The following APPL2 variants were observed in gnomAD, a reference collection of about 807,000 sequenced individuals.
APPL2 encodes DCC-interacting protein 13-beta.
A neutral mutation model predicts 92.7 loss-of-function variants in APPL2; 84 were observed. That is an observed-to-expected ratio of 0.91 (90% CI 0.76 to 1.09). The LOEUF (loss-of-function observed/expected upper bound fraction) is 1.09, where lower values mean the gene tolerates loss of function less well. APPL2 is among the 50% of genes least tolerant of loss of function. The pLI, the probability that APPL2 is intolerant of heterozygous loss-of-function variation, is 0.00. For missense variants in APPL2, 736 were observed against 824.5 expected, an observed-to-expected ratio of 0.89 and a Z score of 1.31; for synonymous variants, 291 against 291.0, an observed-to-expected ratio of 1.00 and a Z score of 0.00.
intron 17 of APPL2, among the ~76,000 whole-genome samples, chr12:105,177,648 C>G (rs1345797120): frequency 6.6e-6 from 1 of 152,108 alleles, no homozygotes; most frequent in Admixed American, 6.5e-5. Context: ...GCAAGATCAA[C>G]TTAGTCTAAA....
chr12:105,193,453 G>A lies in APPL2; in HGVS notation c.1241+1808C>T, dbSNP rs7309817. On this transcript the variant is annotated intron_variant, in intron 14 of 20. Transcript: ENST00000258530. ...GTGTATAACACAAGGCAGAGATATC[G>A]TTAGAACCCATGTCTCTCAACTGCA... Among the ~76,000 whole-genome samples the A allele has an allele frequency of 2.4e-3, 368 of 152,290 alleles. 1 individual carries two copies. The highest frequency in any genetic ancestry group is 8.5e-3 in the African/African-American group (353 of 41,560).
chr12:105,182,748 G>A (rs983048486), intron 17 of APPL2, among the ~76,000 whole-genome samples: 1 of 152,212 alleles, frequency 6.6e-6, no homozygotes, highest in Non-Finnish European at 1.5e-5. Flanking sequence ...TTGGGATGGA[G>A]CATTCTGTAG....
In APPL2 at chr12:105,185,292, G is replaced by A. The variant is rs569837197; in HGVS notation, c.1634+2981C>T. The stretch of plus-strand genomic sequence containing the variant: ...AGTTGGGACTCGCTGAGGTTCAGAC[G>A]CCACTGGGGTGCGAAAAAAATTCTC... On this transcript the variant is annotated intron_variant, in intron 17 of 20. Transcript: ENST00000258530. 5.3e-5 allele frequency among the ~76,000 whole-genome samples: 8 copies of A among 152,280 alleles called. No individual in the cohort carries two copies. The East Asian group carries it at 5.8e-4, about 11-fold the overall frequency.
At chr12:105,209,534 G>A (rs1463224495) in intron 5 of APPL2, among the ~76,000 whole-genome samples, 1 of 152,160 alleles carries the variant, frequency 6.6e-6, no homozygotes, top group Non-Finnish European at 1.5e-5. Context: ...AAGCAAACCT[G>A]AAAGACATAA....
chr12:105,187,615 C>T (rs1240522641), intron 17 of APPL2, among the ~76,000 whole-genome samples: 2 of 152,152 alleles, frequency 1.3e-5, no homozygotes, highest in Non-Finnish European at 2.9e-5. Context: ...TGAAAAGTAA[C>T]AGATAAAATT....
intron 2 of APPL2, among the ~76,000 whole-genome samples, chr12:105,221,248 T>C (rs1020486083): frequency 1.3e-5 from 2 of 152,174 alleles, no homozygotes; most frequent in African/African-American, 4.8e-5. Flanking sequence ...ATATTAGCAA[T>C]AACATCAATA....
chr12:105,173,968 A>ATTT lies in APPL2; in HGVS notation c.*343_*345dup, dbSNP rs546130445. ...CAAATTGTAAATCTAGGCTTTTGCC[A>ATTT]TTTTTTAAAAAGGATACTGGAAACT... On this transcript the variant is annotated 3_prime_UTR_variant, in exon 21 of 21. Coordinates refer to ENST00000258530, the MANE Select transcript of APPL2 (RefSeq NM_018171.5). The ATTT allele has an allele frequency of 2.0e-4, 33 of 165,136 alleles. No individual in the cohort carries two copies. Among genetic ancestry groups the ATTT allele is most frequent in the African/African-American group, 7.8e-4 (33 of 42,090 alleles). The allele number at this position is 165,136 out of a possible 1,614,324, so 10.2% of individuals were successfully genotyped here.
intron 1 of APPL2, among the ~76,000 whole-genome samples, chr12:105,232,622 T>C (rs940937486): frequency 1.3e-5 from 2 of 151,804 alleles, no homozygotes; most frequent in African/African-American, 2.4e-5. Context: ...AAATTAGCCA[T>C]GCGTGGTGAT....
chr12:105,226,689 C>A (rs1374278268), intron 2 of APPL2, among the ~76,000 whole-genome samples: 2 of 152,142 alleles, frequency 1.3e-5, no homozygotes, highest in African/African-American at 4.8e-5. Flanking sequence ...GAATAGCAAG[C>A]AATTTCAGGT....
intron 17 of APPL2, among the ~76,000 whole-genome samples, chr12:105,179,458 G>A (rs1885895561): frequency 6.6e-6 from 1 of 152,142 alleles, no homozygotes; most frequent in South Asian, 2.1e-4. Flanking sequence ...GTGTGCATGT[G>A]TTTTTATAGA....
chr12:105,204,440 T>C (rs577377976), intron 8 of APPL2, among the ~76,000 whole-genome samples: 1 of 152,164 alleles, frequency 6.6e-6, no homozygotes, highest in Non-Finnish European at 1.5e-5. Flanking sequence ...TTTGCATCTA[T>C]TCCCCAGATA....
intron 5 of APPL2, among the ~76,000 whole-genome samples, chr12:105,210,902 C>T (rs1165218459): frequency 1.3e-5 from 2 of 152,182 alleles, no homozygotes; most frequent in Non-Finnish European, 2.9e-5. Flanking sequence ...TTTTTCAAAA[C>T]CCAGCTCAGA....
intron 1 of APPL2, among the ~76,000 whole-genome samples, chr12:105,234,693 A>G (rs1433509789): frequency 6.6e-6 from 1 of 152,190 alleles, no homozygotes; most frequent in Non-Finnish European, 1.5e-5. Flanking sequence ...TCACATTGCT[A>G]TCTTCAGATT....
intron 11 of APPL2, 150 bp downstream of exon 11, chr12:105,197,615 A>G: frequency 1.1e-6 from 1 of 936,104 alleles, no homozygotes; most frequent in South Asian, 1.7e-5. Context: ...GTTTAAAGAG[A>G]GCAGAAAATC....
At chr12:105,209,948 G>A (rs375583035) in intron 5 of APPL2, among the ~76,000 whole-genome samples, 7 of 152,006 alleles carry the variant, frequency 4.6e-5, no homozygotes, top group Non-Finnish European at 1.0e-4. Flanking sequence ...CTCAAAGCAA[G>A]GGAGGAAAAT....
intron 17 of APPL2, among the ~76,000 whole-genome samples, chr12:105,184,705 G>A (rs945459121): frequency 1.8e-4 from 27 of 152,206 alleles, no homozygotes; most frequent in African/African-American, 6.3e-4. Flanking sequence ...CTGCTGGGAG[G>A]TGTCTCCCCG....
At chr12:105,191,288 C>T (rs985661429) in intron 14 of APPL2, among the ~76,000 whole-genome samples, 14 of 152,158 alleles carry the variant, frequency 9.2e-5, no homozygotes, top group African/African-American at 3.4e-4. Context: ...TTTGAAGGCA[C>T]TCAGTTACCT....
At chr12:105,235,461 A>G (rs1107756) in intron 1 of APPL2, 50,324 of 152,128 alleles carry the variant, frequency 0.33, 8,753 homozygotes, top group Non-Finnish European at 0.39. Flanking sequence ...GGCTGGCACA[A>G]GTCTCATCAC....
intron 5 of APPL2, among the ~76,000 whole-genome samples, chr12:105,208,728 A>G (rs1040618334): frequency 2.0e-5 from 3 of 152,210 alleles, no homozygotes; most frequent in African/African-American, 7.2e-5. Flanking sequence ...AGCCAACACC[A>G]ATAACTATTA....
Sources: gnomAD v4.1 joint callset for allele counts (sites outside exome capture counted in the v4.1 genomes callset) on GRCh38, gnomAD v4.1.1 for gene constraint, MANE v1.5 for transcripts, NCBI Gene and HGNC (gene_info 2026-07-23, HGNC 2026-07-21) for gene names.